CTNND2: variants seen among roughly 807,000 people sequenced by gnomAD.
CTNND2 encodes the protein catenin delta 2.
Under a neutral mutation model 144.4 loss-of-function variants are expected in CTNND2, and 22 were observed. The ratio of observed to expected loss-of-function variants is 0.15; its 90% CI spans 0.11 to 0.22. CTNND2 has a LOEUF of 0.22. CTNND2 is among the 10% of genes least tolerant of loss of function. The pLI is 1.00. For missense variants in CTNND2, 1,353 were observed against 1,618.8 expected (o/e 0.84, Z 2.82); for synonymous variants, 751 against 695.6 (o/e 1.08, Z -1.25).
chr5:11,840,395 T>C (rs1794401342), intron 1 of CTNND2, among the ~76,000 whole-genome samples: 1 of 152,228 alleles, frequency 6.6e-6, no homozygotes, highest in African/African-American at 2.4e-5. Flanking sequence ...AAATTACTTC[T>C]CTCAGGTTAG....
At chr5:10,997,888 C>A (rs1016177995) in intron 18 of CTNND2, among the ~76,000 whole-genome samples, 8 of 152,154 alleles carry the variant, frequency 5.3e-5, no homozygotes, top group African/African-American at 1.7e-4. Context: ...ACACACTAGA[C>A]CTAAATGTGG....
intron 3 of CTNND2, among the ~76,000 whole-genome samples, chr5:11,490,848 C>A (rs754719970): frequency 6.6e-6 from 1 of 152,054 alleles, no homozygotes; most frequent in South Asian, 2.1e-4. Flanking sequence ...GAAGGCCTGG[C>A]ATGGTGGCTC....
chr5:11,211,023 A>T (rs986375228), intron 10 of CTNND2, among the ~76,000 whole-genome samples: 1 of 152,228 alleles, frequency 6.6e-6, no homozygotes, highest in Admixed American at 6.5e-5. Context: ...ATTATTTTGT[A>T]ATCTTCTGCT....
chr5:11,770,422 AGGAAGGAAG>A, intron 1 of CTNND2, among the ~76,000 whole-genome samples: 1 of 124,370 alleles, frequency 8.0e-6, no homozygotes, highest in Non-Finnish European at 1.7e-5. Flanking sequence ...GAAAGAAGGA[AGGAAGGAAG>A]GAAGGAAGGA....
At chr5:11,221,533 CAG>C (rs1225915022) in intron 10 of CTNND2, among the ~76,000 whole-genome samples, 3 of 152,144 alleles carry the variant, frequency 2.0e-5, no homozygotes, top group Non-Finnish European at 4.4e-5. Context: ...ATTAATGAAA[CAG>C]AGATTGCAAA....
At chr5:11,175,062 G>T (rs1305106888) in intron 11 of CTNND2, among the ~76,000 whole-genome samples, 1 of 152,042 alleles carries the variant, frequency 6.6e-6, no homozygotes, top group African/African-American at 2.4e-5. Flanking sequence ...TTCCTGAGTT[G>T]TGATACCAAA....
chr5:11,628,642 A>G (rs953396098), intron 2 of CTNND2, among the ~76,000 whole-genome samples: 2 of 152,214 alleles, frequency 1.3e-5, no homozygotes, highest in South Asian at 2.1e-4. Flanking sequence ...CTAAAAAATT[A>G]TAAGACTCTA....
chr5:11,497,376 T>G (rs1013845451), intron 3 of CTNND2, among the ~76,000 whole-genome samples: 1 of 151,974 alleles, frequency 6.6e-6, no homozygotes, highest in South Asian at 2.1e-4. Context: ...TGATGGGTGC[T>G]GCAGGAAGGA....
At chr5:11,511,159 A>G (rs1425513972) in intron 3 of CTNND2, among the ~76,000 whole-genome samples, 1 of 152,210 alleles carries the variant, frequency 6.6e-6, no homozygotes, top group Admixed American at 6.5e-5. Flanking sequence ...CTTTCAAGGA[A>G]TCATTACTCT....
Position 11,749,612 on chromosome 5 carries a change from T to G in CTNND2, c.38-17340A>C, listed in dbSNP as rs1426036265. Among the ~76,000 whole-genome samples the G allele has an allele frequency of 2.0e-5, 3 of 152,004 alleles. No individual in the cohort carries two copies. In the East Asian group the frequency reaches 5.8e-4, roughly 29 times the overall value. On this transcript the variant is annotated intron_variant, in intron 1 of 21. Coordinates refer to ENST00000304623, the MANE Select transcript of CTNND2 (RefSeq NM_001332.4). ...TGACTTAGCATGAGAGTAATCATGA[T>G]TTCACAGTACATTCTGTCTGTTTAA...
chr5:11,722,867 A>G (rs781690706), intron 2 of CTNND2, among the ~76,000 whole-genome samples: 65 of 152,194 alleles, frequency 4.3e-4, no homozygotes, highest in Non-Finnish European at 9.0e-4. Context: ...AACACATATG[A>G]CATGCCACCA....
At chr5:11,748,498 T>C (rs1036054951) in intron 1 of CTNND2, among the ~76,000 whole-genome samples, 2 of 152,140 alleles carry the variant, frequency 1.3e-5, no homozygotes, top group Non-Finnish European at 2.9e-5. Flanking sequence ...AATAATTAGA[T>C]ATTATGAAAA....
intron 3 of CTNND2, among the ~76,000 whole-genome samples, chr5:11,550,376 T>A (rs952055296): frequency 6.6e-6 from 1 of 152,192 alleles, no homozygotes; most frequent in Non-Finnish European, 1.5e-5. Flanking sequence ...AAGACAAAAT[T>A]GAACTCTTTA....
chr5:11,237,019 T>C (rs984148786), intron 9 of CTNND2, among the ~76,000 whole-genome samples, 196 bp from the exon 10 acceptor site: 4 of 151,718 alleles, frequency 2.6e-5, no homozygotes, highest in African/African-American at 9.7e-5. Flanking sequence ...TTTTCTTTCT[T>C]TTCTTTTTTT....
At chr5:11,109,762 A>T (rs35259796) in intron 14 of CTNND2, among the ~76,000 whole-genome samples, 10,843 of 152,274 alleles carry the variant, frequency 0.071, 516 homozygotes, top group Non-Finnish European at 0.099. Flanking sequence ...TACAAATGTA[A>T]TTTTCATTGT....
chr5:11,124,013 A>AG (rs1472977593), intron 12 of CTNND2, among the ~76,000 whole-genome samples: 11 of 152,182 alleles, frequency 7.2e-5, no homozygotes, highest in African/African-American at 9.6e-5. Context: ...TAAACTTGTG[A>AG]GGGGGGATCT....
Position 11,412,294 on chromosome 5 carries a change from T to C in CTNND2, c.288-225A>G, listed in dbSNP as rs568661782. ...AGTATTAGCATGTTTTAAATGGACA[T>C]TGTCCAGTAATTTTCAGAAGAGCTC... On this transcript the variant is annotated intron_variant, in intron 3 of 21. Coordinates refer to ENST00000304623, the MANE Select transcript of CTNND2 (RefSeq NM_001332.4). 3.9e-5 allele frequency among the ~76,000 whole-genome samples: 6 copies of C among 152,280 alleles called. No homozygotes were observed. In the East Asian group the frequency reaches 7.7e-4, roughly 20 times the overall value.
chr5:11,434,915 C>T (rs965089057), intron 3 of CTNND2, among the ~76,000 whole-genome samples: 1 of 151,934 alleles, frequency 6.6e-6, no homozygotes, highest in Non-Finnish European at 1.5e-5. Flanking sequence ...AACTGGATAA[C>T]TGCAAAGAAA....
chr5:11,520,487 C>T (rs554752806), intron 3 of CTNND2, among the ~76,000 whole-genome samples: 4 of 152,338 alleles, frequency 2.6e-5, no homozygotes, highest in Admixed American at 1.3e-4. Flanking sequence ...GAGTGAGGTG[C>T]GTACCAGGCC....
Sources: allele counts gnomAD v4.1 joint callset (sites outside exome capture counted in the v4.1 genomes callset), GRCh38; gene constraint gnomAD v4.1.1; transcripts MANE v1.5; gene names NCBI Gene and HGNC (gene_info 2026-07-23, HGNC 2026-07-21).